The following DOLPP1 variants were observed in gnomAD, a reference collection of about 807,000 sequenced individuals.
DOLPP1 encodes dolichyl pyrophosphate phosphatase 1.
In DOLPP1, 15 loss-of-function variants were observed where a neutral mutation model predicts 34.1. The observed-to-expected ratio is 0.44, with a 90% confidence interval of 0.29 to 0.68. DOLPP1 has a LOEUF of 0.68. Ranked by LOEUF, DOLPP1 falls within the 30% of genes least tolerant of loss-of-function variation. The probability of loss-of-function intolerance (pLI) is 0.12; values close to 1 mark genes in which losing one functional copy is unlikely to be tolerated. For synonymous variants in DOLPP1, 130 were observed against 128.2 expected (o/e 1.01, Z -0.10); for missense variants, 249 against 307.1 (o/e 0.81, Z 1.41).
At chr9:129,084,539 G>A (rs1013833724) in intron 1 of DOLPP1, 129 bp from the exon 2 acceptor site, 2 of 761,596 alleles carry the variant, frequency 2.6e-6, no homozygotes, top group Non-Finnish European at 4.7e-6. Flanking sequence ...AGGTGTCCCT[G>A]GCTGCCTGGC....
intron 5 of DOLPP1, 125 bp from the exon 6 acceptor site, chr9:129,086,014 G>A (rs1846981217): frequency 1.1e-6 from 1 of 924,006 alleles, no homozygotes; most frequent in Non-Finnish European, 1.7e-6. Context: ...CGTGGAGTCA[G>A]TGTCCTGTCT....
rs766614287 is a variant in DOLPP1 at position 129,085,173 on chromosome 9, C to A, written c.263-34C>A. 2.4e-5 allele frequency: 39 copies of A among 1,609,716 alleles called. No individual in the cohort carries two copies. Among genetic ancestry groups the A allele is most frequent in the Non-Finnish European group, 3.1e-5 (37 of 1,176,492 alleles). On this transcript the variant is annotated intron_variant, in intron 3 of 7. Transcript: ENST00000372546. The surrounding 1 kb of genome is among the most constrained non-coding windows in gnomAD (Gnocchi z 7.0). ...GGGGCGTTACTGGGAGGTCTGCATC[C>A]CCCCGTGATGCCCTGGTCTCCTCTC...
At chr9:129,084,103 T>A (rs1413421052) in intron 1 of DOLPP1, among the ~76,000 whole-genome samples, 1 of 152,170 alleles carries the variant, frequency 6.6e-6, no homozygotes, top group Non-Finnish European at 1.5e-5. Flanking sequence ...TCTGTCCGAG[T>A]CTTCAGTGTG....
At chr9:129,086,492 C>T (rs1846991028) in intron 6 of DOLPP1, among the ~76,000 whole-genome samples, 1 of 152,206 alleles carries the variant, frequency 6.6e-6, no homozygotes, top group African/African-American at 2.4e-5. Flanking sequence ...AGCCTGAGTC[C>T]TGCTGGGCTG....
intron 5 of DOLPP1, 110 bp from the exon 6 acceptor site, chr9:129,086,029 C>T: frequency 9.1e-7 from 1 of 1,095,386 alleles, no homozygotes; most frequent in Non-Finnish European, 1.3e-6. Context: ...CTGTCTGTGT[C>T]TCCACATGTG....
In DOLPP1 at chr9:129,087,504, G is replaced by C. The variant is rs572435705; in HGVS notation, c.680+706G>C. Among the ~76,000 whole-genome samples, 7 of 152,204 alleles carry C rather than the reference G, an allele frequency of 4.6e-5. No homozygotes were observed. The East Asian group carries it at 1.4e-3, about 29-fold the overall frequency. On this transcript the variant is annotated intron_variant, in intron 7 of 7. Coordinates refer to ENST00000372546, the MANE Select transcript of DOLPP1 (RefSeq NM_020438.5). ...CTAATTTTTTGTATTTTTTAGTAGA[G>C]ACGGGGTTTCACCGTGTTAGCCAGG... is the stretch of plus-strand genomic sequence containing the variant.
At chr9:129,088,535 G>A (rs7024821) in intron 7 of DOLPP1, among the ~76,000 whole-genome samples, 5,054 of 152,228 alleles carry the variant, frequency 0.033, 278 homozygotes, top group African/African-American at 0.11. Flanking sequence ...TCCATCAGTA[G>A]TTCTCCTGCT....
chr9:129,086,902 C>T, intron 7 of DOLPP1, 104 bp downstream of exon 7: 4 of 902,052 alleles, frequency 4.4e-6, no homozygotes, highest in Non-Finnish European at 7.2e-6. Context: ...AAGCACTTCT[C>T]TTGCATTAAC....
At chr9:129,084,074 CG>C (rs1846938276) in intron 1 of DOLPP1, among the ~76,000 whole-genome samples, 1 of 152,238 alleles carries the variant, frequency 6.6e-6, no homozygotes. Context: ...CTGTTACCGT[CG>C]CCCTATTGGG....
In DOLPP1 at chr9:129,084,724, G is replaced by A. The variant is rs769070298; in HGVS notation, c.133G>A (p.Val45Ile). ...YLSLSPVFVI[V>I]GFVTLIIFKR... ...GAGCCTCAGCCCTGTATTTGTCATC[G>A]TCGGTTTCGTGACCCTCATCATATT... Residue 45 changes from valine (V) to isoleucine (I), a missense_variant, in exon 2 of 8, where the codon GTC becomes ATC. Val to Ile is a conservative substitution (Grantham distance 29). Coordinates refer to ENST00000372546, the MANE Select transcript of DOLPP1 (RefSeq NM_020438.5). The A allele has an allele frequency of 8.7e-6, 14 of 1,613,884 alleles. No homozygotes were observed. The highest frequency in any genetic ancestry group is 4.5e-5 in the East Asian group (2 of 44,890).
At chr9:129,086,307 C>A in intron 6 of DOLPP1, 40 bp downstream of exon 6, 1 of 1,609,224 alleles carries the variant, frequency 6.2e-7, no homozygotes, top group Non-Finnish European at 8.5e-7. Flanking sequence ...TGGGCCCTGT[C>A]CCCTCCTGTG....
intron 7 of DOLPP1, among the ~76,000 whole-genome samples, chr9:129,087,570 C>G (rs1847015641): frequency 6.6e-6 from 1 of 152,182 alleles, no homozygotes; most frequent in African/African-American, 2.4e-5. Context: ...CCCGCCTCGG[C>G]CTTCCAAAGT....
intron 1 of DOLPP1, among the ~76,000 whole-genome samples, chr9:129,081,604 C>T (rs1846891245): frequency 6.6e-6 from 1 of 152,220 alleles, no homozygotes; most frequent in Admixed American, 6.5e-5. Context: ...TGTCTTGTTT[C>T]CTTCGAACAG....
At chr9:129,083,197 G>C (rs752014502) in intron 1 of DOLPP1, among the ~76,000 whole-genome samples, 8 of 152,176 alleles carry the variant, frequency 5.3e-5, no homozygotes, top group Non-Finnish European at 8.8e-5. Flanking sequence ...GCCTGAGGGG[G>C]CTTGGATCAG....
intron 6 of DOLPP1, 89 bp from the exon 7 acceptor site, chr9:129,086,620 G>A (rs1465230164): frequency 1.5e-6 from 2 of 1,377,492 alleles, no homozygotes; most frequent in East Asian, 4.6e-5. Flanking sequence ...CGGGTGCCGT[G>A]CCAGCCCCGG....
chr9:129,081,297 C>T (rs1368358205), intron 1 of DOLPP1, 90 bp downstream of exon 1: 1 of 1,507,832 alleles, frequency 6.6e-7, no homozygotes. Context: ...GCGGAGGGGG[C>T]GCCGGGGGAC....
intron 1 of DOLPP1, 141 bp downstream of exon 1, chr9:129,081,348 G>A: frequency 9.1e-7 from 1 of 1,095,288 alleles, no homozygotes; most frequent in Non-Finnish European, 1.2e-6. Context: ...GGAGGGGCTC[G>A]GCCGGCGCGC....
chr9:129,089,348 TC>T lies in DOLPP1; in HGVS notation c.*343del. The stretch of plus-strand genomic sequence containing the variant: ...CGCCTCTGGTCTCGGGGCCAGGAAT[TC>T]CAGGTGGCGTGAGAAGTACACACTA... On this transcript the variant is annotated 3_prime_UTR_variant, in exon 8 of 8. Coordinates refer to ENST00000372546, the MANE Select transcript of DOLPP1 (RefSeq NM_020438.5). The surrounding 1 kb of genome is among the most constrained non-coding windows in gnomAD (Gnocchi z 4.9). 3.6e-6 allele frequency: 1 copy of T among 277,236 alleles called. No individual in the cohort carries two copies. The highest frequency in any genetic ancestry group is 7.0e-6 in the Non-Finnish European group (1 of 143,300). The allele number at this position is 277,236 out of a possible 1,614,324, so 17.2% of individuals were successfully genotyped here. A position where few individuals can be genotyped will look rare whatever the true frequency, so the allele number is the denominator to read the frequency against.
At chr9:129,088,194 G>C (rs1460351904) in intron 7 of DOLPP1, among the ~76,000 whole-genome samples, 8 of 148,252 alleles carry the variant, frequency 5.4e-5, no homozygotes, top group East Asian at 4.0e-4. Flanking sequence ...AGGGTGTTGT[G>C]GGGGTTGGGG....
Sources: gnomAD v4.1 joint callset for allele counts (sites outside exome capture counted in the v4.1 genomes callset) on GRCh38, gnomAD v4.1.1 for gene constraint, Gnocchi (gnomAD v3.1) non-coding constraint, MANE v1.5 for transcripts, NCBI Gene and HGNC (gene_info 2026-07-23, HGNC 2026-07-21) for gene names.